PANK4: variants seen among roughly 807,000 people sequenced by gnomAD.
The protein encoded by PANK4 is pantothenate kinase 4 (inactive).
Under a neutral mutation model 87.9 loss-of-function variants are expected in PANK4, and 40 were observed. The observed-to-expected ratio is 0.46, with a 90% confidence interval of 0.35 to 0.59. The LOEUF is 0.59. Ranked by LOEUF, PANK4 falls within the 20% of genes least tolerant of loss-of-function variation. PANK4 has a pLI of 0.00. For missense variants in PANK4, 926 were observed against 1,072.3 expected, an observed-to-expected ratio of 0.86 and a Z score of 1.90; for synonymous variants, 524 against 467.4, an observed-to-expected ratio of 1.12 and a Z score of -1.56.
chr1:2,510,593 A>G lies in PANK4; in HGVS notation c.1938+85T>C, dbSNP rs1199087782. On this transcript the variant is annotated intron_variant, in intron 16 of 18. Coordinates refer to ENST00000378466, the MANE Select transcript of PANK4 (RefSeq NM_018216.4). The surrounding 1 kb of genome is among the most constrained non-coding windows in gnomAD (Gnocchi z 4.9). ...TGCTGCGTCCGGAGGAGCCCCGACCACCGCCAGAGGCCCACAGCGGCGCCA... is the reference window on the plus strand; with the variant it reads ...TGCTGCGTCCGGAGGAGCCCCGACCGCCGCCAGAGGCCCACAGCGGCGCCA... The G allele has an allele frequency of 1.2e-6, 1 of 811,908 alleles. No homozygotes were observed. 50.3% of individuals were successfully genotyped at this position (811,908 alleles called of 1,614,324 possible). A position where few individuals can be genotyped will look rare whatever the true frequency, so the allele number is the denominator to read the frequency against.
chr1:2,517,470 T>C (rs985520018), intron 9 of PANK4, among the ~76,000 whole-genome samples: 1 of 152,236 alleles, frequency 6.6e-6, no homozygotes, highest in African/African-American at 2.4e-5. Context: ...TGCTCACAGC[T>C]ACAGAAGGAA....
chr1:2,508,711 A>G lies in PANK4; in HGVS notation c.*136T>C. The stretch of plus-strand genomic sequence containing the variant: ...TGCGTCTCGCCTCTGGGTCACACGC[A>G]TCTGTGCGGCTGGGGTGTATGTGCC... On this transcript the variant is annotated 3_prime_UTR_variant, in exon 19 of 19. Transcript: ENST00000378466. The surrounding 1 kb of genome is among the most constrained non-coding windows in gnomAD (Gnocchi z 5.1). 1 of 627,862 alleles carries G rather than the reference A, an allele frequency of 1.6e-6. No homozygotes were observed. The highest frequency in any genetic ancestry group is 2.9e-6 in the Non-Finnish European group (1 of 347,552). 38.9% of individuals were successfully genotyped at this position (627,862 alleles called of 1,614,324 possible).
chr1:2,511,562 T>C, intron 14 of PANK4, 66 bp downstream of exon 14: 1 of 1,225,350 alleles, frequency 8.2e-7, no homozygotes. Flanking sequence ...GCATTCGCTG[T>C]TGCAGAGAAC....
In PANK4 at chr1:2,508,808, G is replaced by T; in HGVS notation, c.*39C>A. The T allele has an allele frequency of 2.4e-6, 3 of 1,245,910 alleles. No homozygotes were observed. The highest frequency in any genetic ancestry group is 1.3e-5 in the South Asian group (1 of 79,458). The allele number at this position is 1,245,910 out of a possible 1,614,324, so 77.2% of individuals were successfully genotyped here. A position where few individuals can be genotyped will look rare whatever the true frequency, so the allele number is the denominator to read the frequency against. On this transcript the variant is annotated 3_prime_UTR_variant, in exon 19 of 19. Coordinates refer to ENST00000378466, the MANE Select transcript of PANK4 (RefSeq NM_018216.4). The surrounding 1 kb of genome is among the most constrained non-coding windows in gnomAD (Gnocchi z 5.1). ...CCTGTGGTGGTAAAAACACATTCCT[G>T]ACAAGTGACAAGCAGAAGAGTCCGG...
Position 2,520,459 on chromosome 1 carries a change from C to A in PANK4, c.607-45G>T. The stretch of plus-strand genomic sequence containing the variant: ...GGTGTGCCCTCAGTGGGCCCTCAGC[C>A]ACACAGGCTCCCCCGCCCCCCGCCC... On this transcript the variant is annotated intron_variant, in intron 4 of 18. Coordinates refer to ENST00000378466, the MANE Select transcript of PANK4 (RefSeq NM_018216.4). This position sits in a 1 kb window ranked among gnomAD's most constrained non-coding sequence, Gnocchi z 6.2. 1 of 1,532,526 alleles carries A rather than the reference C, an allele frequency of 6.5e-7. No individual in the cohort carries two copies. 94.9% of individuals were successfully genotyped at this position (1,532,526 alleles called of 1,614,324 possible).
Position 2,520,228 on chromosome 1 carries a change from A to G in PANK4, c.699+94T>C. The G allele has an allele frequency of 1.7e-6, 2 of 1,191,668 alleles. No individual in the cohort carries two copies. Among genetic ancestry groups the G allele is most frequent in the Non-Finnish European group, 2.5e-6 (2 of 804,722 alleles). 73.8% of individuals were successfully genotyped at this position (1,191,668 alleles called of 1,614,324 possible). A position where few individuals can be genotyped will look rare whatever the true frequency, so the allele number is the denominator to read the frequency against. ...GACGCGAGTCAGGAGGGAGGCCCGG[A>G]AGCAGCTTTTGCACCGCCCAGCTGC... On this transcript the variant is annotated intron_variant, in intron 5 of 18. Coordinates refer to ENST00000378466, the MANE Select transcript of PANK4 (RefSeq NM_018216.4). This position sits in a 1 kb window ranked among gnomAD's most constrained non-coding sequence, Gnocchi z 6.2.
In PANK4 at chr1:2,521,099, A is replaced by C. The variant is rs770354069; in HGVS notation, c.422+2T>G. 6.2e-7 allele frequency: 1 copy of C among 1,610,608 alleles called. No homozygotes were observed. Among genetic ancestry groups the C allele is most frequent in the Non-Finnish European group, 8.5e-7 (1 of 1,177,888 alleles). The stretch of plus-strand genomic sequence containing the variant: ...TTTCTCGCCCTTGAGATCCCCACTC[A>C]CTTCAGCCGCAGCTTCTCTTCGATG... On this transcript the variant is annotated splice_donor_variant, in intron 3 of 18. Coordinates refer to ENST00000378466, the MANE Select transcript of PANK4 (RefSeq NM_018216.4). LOFTEE classifies it high-confidence loss of function.
chr1:2,514,258 C>T, intron 11 of PANK4, 96 bp downstream of exon 11: 1 of 1,169,624 alleles, frequency 8.5e-7, no homozygotes, highest in Non-Finnish European at 1.3e-6. Flanking sequence ...CCCCAGCGAG[C>T]TGGGGTCCGA....
At chr1:2,514,140 C>T (rs768464768) in intron 11 of PANK4, 51 bp from the exon 12 acceptor site, 4 of 1,456,040 alleles carry the variant, frequency 2.7e-6, no homozygotes, top group Non-Finnish European at 3.9e-6. Context: ...CGAACACCCG[C>T]CCGTCTGCCA....
chr1:2,511,373 C>A lies in PANK4; in HGVS notation c.1798G>T (p.Val600Leu), dbSNP rs151240697. 6.2e-7 allele frequency: 1 copy of A among 1,610,628 alleles called. No individual in the cohort carries two copies. Among genetic ancestry groups the A allele is most frequent in the Non-Finnish European group, 8.5e-7 (1 of 1,177,784 alleles). ...TGAAGCCACTCGCTGTAGGAATCCA[C>A]GAGCCAGGGTCTTTCTGAGACAGAG... ...KRKLQERPWLVDSYSEWLQRL... is the reference protein window; with the variant it reads ...KRKLQERPWLLDSYSEWLQRL... The change falls in exon 15 of 19, where the codon GTG becomes TTG. Residue 600 changes from valine (V) to leucine (L), a missense_variant. By Grantham distance (32) the Val-to-Leu change is conservative (BLOSUM62 1). Coordinates refer to ENST00000378466, the MANE Select transcript of PANK4 (RefSeq NM_018216.4).
intron 1 of PANK4, 78 bp from the exon 2 acceptor site, chr1:2,521,878 T>A: frequency 1.8e-6 from 2 of 1,091,968 alleles, no homozygotes; most frequent in Non-Finnish European, 1.4e-6. Context: ...CCACACTCTC[T>A]GGGTGTCCTG....
At position 2,511,356 on chromosome 1, in the gene PANK4, C is replaced by G. The variant is rs1160828590; in HGVS notation, c.1815G>C (p.Glu605Asp). ...CACATACCTTTAATCTCTGAAGCCA[C>G]TCGCTGTAGGAATCCACGAGCCAGG... ...ERPWLVDSYS[E>D]WLQRLKGPPH... Residue 605 changes from glutamate (E) to aspartate (D), a missense_variant, in exon 15 of 19, where the codon GAG becomes GAC. Physicochemically the swap from Glu to Asp is conservative, Grantham distance 45. Coordinates refer to ENST00000378466, the MANE Select transcript of PANK4 (RefSeq NM_018216.4). 6.2e-7 allele frequency: 1 copy of G among 1,611,118 alleles called. No homozygotes were observed.
chr1:2,513,889 G>T, intron 12 of PANK4, 113 bp downstream of exon 12: 1 of 813,342 alleles, frequency 1.2e-6, no homozygotes, highest in Non-Finnish European at 2.2e-6. Flanking sequence ...TACCAAACCT[G>T]CATGGCCTCA....
rs565288724 is a variant in PANK4, at chr1:2,510,840, C to T, written c.1834-58G>A. The stretch of plus-strand genomic sequence containing the variant: ...ACAGGCGCATCCAAGCGAGTCAGTC[C>T]GCACCCCTGCTGCCCGTCACGCTGC... On this transcript the variant is annotated intron_variant, in intron 15 of 18. Transcript: ENST00000378466. The surrounding 1 kb of genome is among the most constrained non-coding windows in gnomAD (Gnocchi z 4.9). The T allele has an allele frequency of 2.2e-4, 214 of 991,770 alleles. No homozygotes were observed. In the East Asian group the frequency reaches 3.9e-3, roughly 18 times the overall value. 61.4% of individuals were successfully genotyped at this position (991,770 alleles called of 1,614,324 possible).
At position 2,510,885 on chromosome 1, in the gene PANK4, G is replaced by A; in HGVS notation, c.1834-103C>T. The A allele has an allele frequency of 1.4e-6, 1 of 721,048 alleles. No individual in the cohort carries two copies. Among genetic ancestry groups the A allele is most frequent in the East Asian group, 2.6e-5 (1 of 38,894 alleles). The allele number at this position is 721,048 out of a possible 1,614,324, so 44.7% of individuals were successfully genotyped here. ...CGCTGCCCTGCAGGGGCCGAGACTGGGGGCTTCAGGGCCCCAGAGATGCCA... is the reference window on the plus strand; with the variant it reads ...CGCTGCCCTGCAGGGGCCGAGACTGAGGGCTTCAGGGCCCCAGAGATGCCA... On this transcript the variant is annotated intron_variant, in intron 15 of 18. Transcript: ENST00000378466. The surrounding 1 kb of genome is among the most constrained non-coding windows in gnomAD (Gnocchi z 4.9).
chr1:2,517,643 A>C (rs1393983823), intron 9 of PANK4, among the ~76,000 whole-genome samples: 1 of 152,182 alleles, frequency 6.6e-6, no homozygotes, highest in Non-Finnish European at 1.5e-5. Flanking sequence ...TGCGTCTCCT[A>C]GCCCGCCAGT....
intron 2 of PANK4, 79 bp from the exon 3 acceptor site, chr1:2,521,394 A>G (rs1643874275): frequency 1.7e-6 from 2 of 1,150,594 alleles, no homozygotes; most frequent in Admixed American, 1.7e-5. Context: ...GCCCTAGTGG[A>G]GCTGGCTGTT....
At chr1:2,525,030 A>G (rs1318173724) in intron 1 of PANK4, among the ~76,000 whole-genome samples, 2 of 152,118 alleles carry the variant, frequency 1.3e-5, no homozygotes, top group African/African-American at 2.4e-5. Flanking sequence ...CACACCCCCT[A>G]AGAAGCATTG....
At position 2,515,962 on chromosome 1, in the gene PANK4, C is replaced by T; in HGVS notation, c.1219-245G>A. 3.5e-6 allele frequency: 2 copies of T among 569,052 alleles called. No homozygotes were observed. The highest frequency in any genetic ancestry group is 6.3e-6 in the Non-Finnish European group (2 of 317,870). 35.3% of individuals were successfully genotyped at this position (569,052 alleles called of 1,614,324 possible). On this transcript the variant is annotated intron_variant, in intron 9 of 18. Coordinates refer to ENST00000378466, the MANE Select transcript of PANK4 (RefSeq NM_018216.4). This position sits in a 1 kb window ranked among gnomAD's most constrained non-coding sequence, Gnocchi z 5.0. Reference sequence around the variant, plus strand: ...CTGCTCCCACCACACGCCTCCTGCCCCCAGCACCTCCCCGCTGCAGCCACA... The same window carrying T: ...CTGCTCCCACCACACGCCTCCTGCCTCCAGCACCTCCCCGCTGCAGCCACA...
Sources: allele counts gnomAD v4.1 joint callset (sites outside exome capture counted in the v4.1 genomes callset), GRCh38; gene constraint gnomAD v4.1.1; non-coding constraint Gnocchi (gnomAD v3.1); transcripts MANE v1.5; gene names NCBI Gene and HGNC (gene_info 2026-07-23, HGNC 2026-07-21).